L1CAM: variants seen among roughly 807,000 people sequenced by gnomAD.
L1CAM encodes L1 cell adhesion molecule, also known as neural cell adhesion molecule L1.
In L1CAM, 8 loss-of-function variants were observed where a neutral mutation model predicts 93.0. The observed-to-expected ratio is 0.09, with a 90% CI of 0.05 to 0.16. The LOEUF is 0.16. L1CAM is among the 10% of genes least tolerant of loss of function. L1CAM has a pLI of 1.00. For synonymous variants in L1CAM, 453 were observed against 453.0 expected (o/e 1.00, Z 0.00); for missense variants, 777 against 1,073.4 (o/e 0.72, Z 3.86).
intron 28 of L1CAM, 66 bp from the exon 29 acceptor site, chrX:153,862,960 G>T: frequency 3.3e-6 from 3 of 910,479 alleles, no homozygotes; most frequent in Non-Finnish European, 4.7e-6. Context: ...CTGGCTGGGG[G>T]TGAGGCAGAC....
intron 5 of L1CAM, 137 bp from the exon 6 acceptor site, chrX:153,871,316 T>C (rs2064767869): frequency 1.7e-6 from 1 of 571,724 alleles, no homozygotes; most frequent in Non-Finnish European, 2.9e-6. Flanking sequence ...AGTAGAAACT[T>C]CACAGAAAAG....
chrX:153,864,035 G>T lies in L1CAM; in HGVS notation c.3323-18C>A, dbSNP rs1569544610. 3 of 1,210,995 alleles carry T rather than the reference G, an allele frequency of 2.5e-6. No individual in the cohort carries two copies. In the Admixed American group the frequency reaches 6.5e-5, roughly 26 times the overall value. On this transcript the variant is annotated intron_variant, in intron 25 of 28. Coordinates refer to ENST00000370060, the MANE Select transcript of L1CAM (RefSeq NM_001278116.2). ...CACGCGGCCTGAGGGTGAGACACCA[G>T]CCCCCCGTGCTGCCGCCCAAGCCAG... is the stretch of plus-strand genomic sequence containing the variant.
rs1488807367 is a variant in L1CAM at position 153,862,395 on chromosome X, C to T, written c.*268G>A. On this transcript the variant is annotated 3_prime_UTR_variant, in exon 29 of 29. Coordinates refer to ENST00000370060, the MANE Select transcript of L1CAM (RefSeq NM_001278116.2). ...CCACCCCTACTTCTTCTCCCCCAAACCACAGCCTCTCTGCCCAAATGGGCT... is the reference window on the plus strand; with the variant it reads ...CCACCCCTACTTCTTCTCCCCCAAATCACAGCCTCTCTGCCCAAATGGGCT... The T allele has an allele frequency of 8.6e-6, 3 of 349,273 alleles. No individual in the cohort carries two copies. Among genetic ancestry groups the T allele is most frequent in the Admixed American group, 4.9e-5 (1 of 20,586 alleles). 28.8% of individuals were successfully genotyped at this position (349,273 alleles called of 1,213,427 possible).
chrX:153,876,651 G>A (rs1433071847), intron 1 of L1CAM, among the ~76,000 whole-genome samples: 1 of 112,279 alleles, frequency 8.9e-6, no homozygotes, highest in Non-Finnish European at 1.9e-5. Context: ...GGAGGAAAGG[G>A]GCCCAAGATG....
intron 1 of L1CAM, chrX:153,885,687 G>A: frequency 3.0e-6 from 1 of 330,071 alleles, no homozygotes; most frequent in Non-Finnish European, 4.7e-6. Context: ...GTGGGGGAGC[G>A]CTCGACCCGA....
At chrX:153,873,158 G>A in intron 3 of L1CAM, 70 bp downstream of exon 3, 1 of 1,072,367 alleles carries the variant, frequency 9.3e-7, no homozygotes, top group Non-Finnish European at 1.3e-6. Flanking sequence ...GGGGGTGCAG[G>A]CTCAGCTGAG....
Position 153,866,731 on chromosome X carries a change from G to A in L1CAM, c.2349C>T (p.Pro783=). The part of the protein sequence containing the change: ...LVVSNTSTFV[P]YEIKVQAVNS... ...TGACGGCCTGGACTTTGATCTCATAGGGCACGAAGGTGGACGTGTTGGACA... is the reference window on the plus strand; with the variant it reads ...TGACGGCCTGGACTTTGATCTCATAAGGCACGAAGGTGGACGTGTTGGACA... Residue 783 remains proline, a synonymous_variant, in exon 19 of 29, where the codon CCC becomes CCT. Coordinates refer to ENST00000370060, the MANE Select transcript of L1CAM (RefSeq NM_001278116.2). 1 of 1,211,418 alleles carries A rather than the reference G, an allele frequency of 8.3e-7. No homozygotes were observed.
At position 153,875,846 on chromosome X, in the gene L1CAM, C is replaced by T; in HGVS notation, c.-10G>A. The T allele has an allele frequency of 8.3e-7, 1 of 1,204,404 alleles. No individual in the cohort carries two copies. Among genetic ancestry groups the T allele is most frequent in the East Asian group, 3.0e-5 (1 of 33,723 alleles). ...GCAGCGCCACGACCATCTTTCCCGG[C>T]GGCACCGCGCAGCACAGCCAGCCGG... On this transcript the variant is annotated 5_prime_UTR_variant, in exon 2 of 29. Coordinates refer to ENST00000370060, the MANE Select transcript of L1CAM (RefSeq NM_001278116.2).
intron 3 of L1CAM, chrX:153,872,904 T>C: frequency 2.2e-6 from 1 of 456,351 alleles, no homozygotes; most frequent in Non-Finnish European, 3.8e-6. Flanking sequence ...TACAAAGAGA[T>C]GCCTGAGAAA....
chrX:153,870,344 G>A (rs782580424), intron 8 of L1CAM, 44 bp downstream of exon 8: 16 of 1,183,705 alleles, frequency 1.4e-5, no homozygotes, highest in Middle Eastern at 2.5e-4. Context: ...CTAGGGCTCC[G>A]CCACCCTGCC....
At chrX:153,864,283 G>C (rs782747711) in intron 25 of L1CAM, 39 bp downstream of exon 25, 1 of 1,198,027 alleles carries the variant, frequency 8.3e-7, no homozygotes, top group Non-Finnish European at 1.1e-6. Flanking sequence ...CAGCCCCCAT[G>C]CTTCCCTGGC....
Position 153,865,451 on chromosome X carries a change from A to T in L1CAM, c.2597T>A (p.Ile866Asn). Reference sequence around the variant, plus strand: ...GGGCACCACCACATGGTCTTTGTGGATATGTCTCTTGCTGTGCTTCCTCTG... The same window carrying T: ...GGGCACCACCACATGGTCTTTGTGGTTATGTCTCTTGCTGTGCTTCCTCTG... ...GSQRKHSKRHIHKDHVVVPAN... is the reference protein window; with the variant it reads ...GSQRKHSKRHNHKDHVVVPAN... Residue 866 changes from isoleucine (I) to asparagine (N), a missense_variant, in exon 21 of 29, where the codon ATC becomes AAC. Ile to Asn is a moderately radical substitution (Grantham distance 149). This residue lies in a region of L1CAM where 574 missense variants were observed against 781.0 expected (regional missense o/e 0.73). Coordinates refer to ENST00000370060, the MANE Select transcript of L1CAM (RefSeq NM_001278116.2). 1 of 1,211,115 alleles carries T rather than the reference A, an allele frequency of 8.3e-7. No individual in the cohort carries two copies. The highest frequency in any genetic ancestry group is 1.1e-6 in the Non-Finnish European group (1 of 895,152).
At position 153,866,638 on chromosome X, in the gene L1CAM, C is replaced by T. The variant is rs200222834; in HGVS notation, c.2431+11G>A. 11 of 1,192,044 alleles carry T rather than the reference C, an allele frequency of 9.2e-6. No homozygotes were observed. The highest frequency in any genetic ancestry group is 3.5e-5 in the African/African-American group (2 of 56,777). Reference sequence around the variant, plus strand: ...CTCAACCGTGGGCGAGGGGCCCTGCCGGATACTCACAGTCCTCTCCAGAGT... The same window carrying T: ...CTCAACCGTGGGCGAGGGGCCCTGCTGGATACTCACAGTCCTCTCCAGAGT... On this transcript the variant is annotated intron_variant, in intron 19 of 28. Coordinates refer to ENST00000370060, the MANE Select transcript of L1CAM (RefSeq NM_001278116.2).
chrX:153,867,898 G>A lies in L1CAM; in HGVS notation c.1841C>T (p.Pro614Leu), dbSNP rs1557091552. ...AQLLVVGSPG[P>L]VPRLVLSDLH... ...GTCGGACAGCACCAGCCGTGGCACC[G>A]GCCCAGGGCTCCCTGAGGGTGGGGA... The change falls in exon 16 of 29, where the codon CCG becomes CTG. Residue 614 changes from proline (P) to leucine (L), a missense_variant. Coordinates refer to ENST00000370060, the MANE Select transcript of L1CAM (RefSeq NM_001278116.2). 8 of 1,210,391 alleles carry A rather than the reference G, an allele frequency of 6.6e-6. No individual in the cohort carries two copies. The highest frequency in any genetic ancestry group is 5.9e-5 in the East Asian group (2 of 33,824).
At chrX:153,881,854 G>T (rs1425632717) in intron 1 of L1CAM, among the ~76,000 whole-genome samples, 1 of 111,283 alleles carries the variant, frequency 9.0e-6, no homozygotes, top group Non-Finnish European at 1.9e-5. Context: ...GAAGGCGAGA[G>T]AAATGAGGTG....
At chrX:153,885,444 C>T (rs370044325) in intron 1 of L1CAM, 50 of 967,913 alleles carry the variant, frequency 5.2e-5, no homozygotes, top group Non-Finnish European at 6.7e-5. Flanking sequence ...CGGGTGAGCC[C>T]GGAGGAGCCC....
rs12014813 is a variant in L1CAM at position 153,864,178 on chromosome X, G to A, written c.3322+144C>T. The A allele has an allele frequency of 3.0e-4, 298 of 1,002,274 alleles. No homozygotes were observed. In the African/African-American group the frequency reaches 4.1e-3, roughly 14 times the overall value. 82.6% of individuals were successfully genotyped at this position (1,002,274 alleles called of 1,213,427 possible). ...AAGGGTATGAAAGGGGGCTGATTCG[G>A]GGACACCCAGATTCTGGGAGGAGAA... On this transcript the variant is annotated intron_variant, in intron 25 of 28. Coordinates refer to ENST00000370060, the MANE Select transcript of L1CAM (RefSeq NM_001278116.2).
At chrX:153,868,808 C>T (rs2105823) in intron 12 of L1CAM, 33 bp downstream of exon 12, 26 of 1,199,638 alleles carry the variant, frequency 2.2e-5, no homozygotes, top group Middle Eastern at 2.3e-4. Flanking sequence ...CACTGGGACA[C>T]GACACTCACC....
intron 1 of L1CAM, 119 bp from the exon 2 acceptor site, chrX:153,876,063 C>G (rs2064812040): frequency 2.2e-6 from 1 of 450,756 alleles, no homozygotes; most frequent in Non-Finnish European, 3.9e-6. Flanking sequence ...GCCCCGCCCC[C>G]AGCTGGCCGG....
Sources: gnomAD v4.1 joint callset for allele counts (sites outside exome capture counted in the v4.1 genomes callset) on GRCh38, gnomAD v4.1.1 for gene constraint, gnomAD v4.1.1 regional missense constraint, MANE v1.5 for transcripts, NCBI Gene and HGNC (gene_info 2026-07-23, HGNC 2026-07-21) for gene names.